The following PLCG2 variants were observed in gnomAD, a reference collection of about 807,000 sequenced individuals.
The protein encoded by PLCG2 is 1-phosphatidylinositol 4,5-bisphosphate phosphodiesterase gamma-2.
Under a neutral mutation model 175.6 loss-of-function variants are expected in PLCG2, and 69 were observed. The ratio of observed to expected loss-of-function variants is 0.39; its 90% CI spans 0.32 to 0.48. The LOEUF (loss-of-function observed/expected upper bound fraction) is 0.48, where lower values mean the gene tolerates loss of function less well. PLCG2 is among the 20% of genes least tolerant of loss of function. The pLI, the probability that PLCG2 is intolerant of heterozygous loss-of-function variation, is 0.91. For missense variants in PLCG2, 1,798 were observed against 1,650.9 expected, an observed-to-expected ratio of 1.09 and a Z score of -1.54; for synonymous variants, 827 against 624.0, an observed-to-expected ratio of 1.33 and a Z score of -4.85.
rs368897845 is a variant in PLCG2 at position 81,939,905 on chromosome 16, C to G, written c.3327C>G (p.Leu1109=). Residue 1109 remains leucine, a synonymous_variant, in exon 30 of 33, where the codon CTC becomes CTG. Coordinates refer to ENST00000564138, the MANE Select transcript of PLCG2 (RefSeq NM_002661.5). ...ATCTCCTTCCAGATGATAATGGCCT[C>G]AGCCCTATCTGGGCTCCAACACAGG... ...FKTTVVNDNG[L]SPIWAPTQEK... is the part of the protein sequence containing the mutation. The G allele has an allele frequency of 6.2e-7, 1 of 1,613,184 alleles. No homozygotes were observed. The highest frequency in any genetic ancestry group is 8.5e-7 in the Non-Finnish European group (1 of 1,179,112).
At chr16:81,817,947 C>T (rs1904624289) in intron 2 of PLCG2, among the ~76,000 whole-genome samples, 1 of 152,166 alleles carries the variant, frequency 6.6e-6, no homozygotes, top group African/African-American at 2.4e-5. Flanking sequence ...GGGTTGAGAG[C>T]AAAGACCCAA....
At chr16:81,783,310 T>A (rs1402747019) in intron 1 of PLCG2, among the ~76,000 whole-genome samples, 3 of 152,156 alleles carry the variant, frequency 2.0e-5, no homozygotes, top group East Asian at 3.8e-4. Context: ...ATTTTATTAT[T>A]ATATTATTAT....
chr16:81,949,306 A>G (rs566336315), intron 31 of PLCG2, among the ~76,000 whole-genome samples: 1 of 152,344 alleles, frequency 6.6e-6, no homozygotes, highest in African/African-American at 2.4e-5. Context: ...GATGAATAGA[A>G]AACACATCCA....
intron 27 of PLCG2, among the ~76,000 whole-genome samples, chr16:81,936,976 T>C (rs1361391641): frequency 6.6e-6 from 1 of 152,242 alleles, no homozygotes; most frequent in Non-Finnish European, 1.5e-5. Flanking sequence ...TTTGCTGTCA[T>C]AGACAGCACT....
At chr16:81,741,754 T>G (rs544211035) in intron 1 of PLCG2, among the ~76,000 whole-genome samples, 302 of 152,174 alleles carry the variant, frequency 2.0e-3, no homozygotes, top group African/African-American at 7.1e-3. Flanking sequence ...GAGGTTGCAG[T>G]GAGCTGAGAT....
chr16:81,760,748 T>TAAAAAAAAAAAAAAAA (rs1224811220), intron 2 of PLCG2, among the ~76,000 whole-genome samples: 1 of 87,894 alleles, frequency 1.1e-5, no homozygotes, highest in Non-Finnish European at 2.6e-5. Flanking sequence ...CCGTCTCTAT[T>TAAAAAAAAAAAAAAAA]AAAAAAAAAA....
chr16:81,788,063 A>G (rs60350318), intron 2 of PLCG2, among the ~76,000 whole-genome samples: 4,740 of 152,024 alleles, frequency 0.031, 236 homozygotes, highest in African/African-American at 0.11. Flanking sequence ...GTCTGTTTTT[A>G]TTTGTTTTGG....
intron 21 of PLCG2, chr16:81,921,705 G>A (rs1387567721): frequency 3.9e-6 from 1 of 254,672 alleles, no homozygotes; most frequent in African/African-American, 2.3e-5. Flanking sequence ...TCAGCCCTCG[G>A]CTCCTCCTTG....
At chr16:81,779,198 T>G (rs1388059956), upstream of PLCG2, 5 of 151,816 alleles carry the variant, frequency 3.3e-5, no homozygotes, top group Middle Eastern at 3.4e-3. Context: ...CGGACCCGGC[T>G]GGGCGCGCCT....
chr16:81,912,610 A>T lies in PLCG2; in HGVS notation c.1948A>T (p.Ser650Cys), dbSNP rs1567529655. ...CCTGTGCCGCAGGTGGTACTATGAC[A>T]GCCTGAGCCGCGGAGAGGCAGAGGA... ...PHESKPWYYD[S>C]LSRGEAEDML... is the part of the protein sequence containing the mutation. The change falls in exon 19 of 33, where the codon AGC becomes TGC. Residue 650 changes from serine (S) to cysteine (C), a missense_variant. Ser to Cys is a moderately radical substitution (Grantham distance 112). Coordinates refer to ENST00000564138, the MANE Select transcript of PLCG2 (RefSeq NM_002661.5). The T allele has an allele frequency of 1.9e-6, 3 of 1,613,144 alleles. No homozygotes were observed. The highest frequency in any genetic ancestry group is 8.5e-7 in the Non-Finnish European group (1 of 1,179,844).
chr16:81,926,087 A>AG (rs1397555730), intron 22 of PLCG2, among the ~76,000 whole-genome samples: 1 of 108,008 alleles, frequency 9.3e-6, no homozygotes, highest in African/African-American at 3.0e-5. Context: ...GTCTTAAATT[A>AG]GTGGGGGGAA....
chr16:81,878,810 C>T (rs764322138), intron 7 of PLCG2, among the ~76,000 whole-genome samples: 8 of 152,174 alleles, frequency 5.3e-5, no homozygotes, highest in Admixed American at 2.0e-4. Flanking sequence ...CTTATCTTGC[C>T]TCTCACTGTT....
intron 26 of PLCG2, 80 bp downstream of exon 26, chr16:81,934,611 G>A (rs942215106): frequency 3.5e-6 from 3 of 851,376 alleles, no homozygotes; most frequent in South Asian, 1.5e-5. Context: ...TTCAGAGGGG[G>A]CAGAGAGTGC....
rs148100760 is a variant in PLCG2 at position 81,796,539 on chromosome 16, C to T, written c.193+10357C>T. Among the ~76,000 whole-genome samples, 66 of 152,316 alleles carry T rather than the reference C, an allele frequency of 4.3e-4. 1 individual carries two copies. The highest frequency in any genetic ancestry group is 1.5e-3 in the African/African-American group (62 of 41,582). Reference sequence around the variant, plus strand: ...GGTGCCTGTTACGGATTGAATTGTCCTTACCAATTTCATATGTCAAGGTCC... The same window carrying T: ...GGTGCCTGTTACGGATTGAATTGTCTTTACCAATTTCATATGTCAAGGTCC... On this transcript the variant is annotated intron_variant, in intron 2 of 32. Coordinates refer to ENST00000564138, the MANE Select transcript of PLCG2 (RefSeq NM_002661.5).
intron 1 of PLCG2, among the ~76,000 whole-genome samples, chr16:81,784,839 C>T (rs1465278009): frequency 3.3e-5 from 5 of 152,144 alleles, no homozygotes; most frequent in Non-Finnish European, 5.9e-5. Context: ...GGTTCAGCTC[C>T]AGGGCCTGGG....
chr16:81,958,988 C>G lies in PLCG2; in HGVS notation c.*990C>G. The G allele has an allele frequency of 4.5e-6, 1 of 223,808 alleles. No homozygotes were observed. 13.9% of individuals were successfully genotyped at this position (223,808 alleles called of 1,614,324 possible). A position where few individuals can be genotyped will look rare whatever the true frequency, so the allele number is the denominator to read the frequency against. ...AGAAAATTTCAAATGCAGCCATCTC[C>G]CTTGGGGCAGATCTACCTAGTTCAT... On this transcript the variant is annotated 3_prime_UTR_variant, in exon 33 of 33. Transcript: ENST00000564138.
intron 2 of PLCG2, among the ~76,000 whole-genome samples, chr16:81,818,801 C>T (rs527682520): frequency 6.6e-6 from 1 of 150,796 alleles, no homozygotes; most frequent in South Asian, 2.1e-4. Flanking sequence ...GTGTGGAGGG[C>T]AGCCTCATGA....
Position 81,959,688 on chromosome 16 carries a change from T to G in PLCG2, c.*1690T>G, listed in dbSNP as rs1403058635. 1 of 185,106 alleles carries G rather than the reference T, an allele frequency of 5.4e-6. No individual in the cohort carries two copies. Among genetic ancestry groups the G allele is most frequent in the Non-Finnish European group, 1.1e-5 (1 of 87,466 alleles). 11.5% of individuals were successfully genotyped at this position (185,106 alleles called of 1,614,324 possible). A position where few individuals can be genotyped will look rare whatever the true frequency, so the allele number is the denominator to read the frequency against. On this transcript the variant is annotated 3_prime_UTR_variant, in exon 33 of 33. Coordinates refer to ENST00000564138, the MANE Select transcript of PLCG2 (RefSeq NM_002661.5). ...TAGTGGCAGATGTTCAAAGCAACTT[T>G]CAAGAAAGGCTAGGTGAGAAAGGCA...
intron 2 of PLCG2, among the ~76,000 whole-genome samples, chr16:81,818,740 T>G (rs1904661467): frequency 6.6e-6 from 1 of 151,930 alleles, no homozygotes; most frequent in African/African-American, 2.4e-5. Flanking sequence ...TGTCATGAGT[T>G]TCCATGGAAA....
Sources: allele counts gnomAD v4.1 joint callset (sites outside exome capture counted in the v4.1 genomes callset), GRCh38; gene constraint gnomAD v4.1.1; transcripts MANE v1.5; gene names NCBI Gene and HGNC (gene_info 2026-07-23, HGNC 2026-07-21).